Variants in ABCG8 observed in about 807,000 individuals in gnomAD.
ABCG8 encodes ATP binding cassette subfamily G member 8, also known as ATP-binding cassette sub-family G member 8.
ABCG8 carries 81 observed loss-of-function variants against 71.3 expected under a neutral mutation model. That is an observed-to-expected ratio of 1.14 (90% CI 0.95 to 1.37). The LOEUF is 1.37. Ranked by LOEUF, ABCG8 falls within the 40% of genes most tolerant of loss-of-function variation. The pLI is 0.00. For synonymous variants in ABCG8, 451 were observed against 354.7 expected (o/e 1.27, Z -3.05); for missense variants, 1,119 against 866.2 (o/e 1.29, Z -3.66).
intron 3 of ABCG8, 180 bp downstream of exon 3, chr2:43,846,491 G>T: frequency 1.1e-6 from 1 of 879,762 alleles, no homozygotes. Flanking sequence ...TCCTCCATTT[G>T]CTGGCTTGAG....
chr2:43,872,432 A>T, intron 8 of ABCG8, 126 bp downstream of exon 8: 2 of 1,136,424 alleles, frequency 1.8e-6, no homozygotes, highest in Non-Finnish European at 1.3e-6. Flanking sequence ...TGAAAAAAAC[A>T]GCATCCAGCA....
intron 6 of ABCG8, among the ~76,000 whole-genome samples, chr2:43,862,704 TATCTGGATAGAATTCTCACC>T (rs1180886026): frequency 6.6e-6 from 1 of 151,114 alleles, no homozygotes; most frequent in Non-Finnish European, 1.5e-5. Context: ...TCTCACTATC[TATCTGGATAGAATTCTCACC>T]ATCTGGATAG....
intron 3 of ABCG8, among the ~76,000 whole-genome samples, chr2:43,849,515 C>T (rs565416786): frequency 5.5e-4 from 84 of 152,300 alleles, no homozygotes; most frequent in Admixed American, 2.5e-3. Context: ...ATCCCTCCCT[C>T]GACACGTGGG....
rs1339623209 is a variant in ABCG8 at position 43,880,471 on chromosome 2, G to T, written c.*2558G>T. On this transcript the variant is annotated 3_prime_UTR_variant, in exon 13 of 13. Coordinates refer to ENST00000272286, the MANE Select transcript of ABCG8 (RefSeq NM_022437.3). ...TTACAGGTGTGACCCACCGCACCTG[G>T]TGTCACAGGTTCATCTTGTATTTTC... 6.6e-6 allele frequency: 1 copy of T among 152,154 alleles called. No homozygotes were observed. Among genetic ancestry groups the T allele is most frequent in the Non-Finnish European group, 1.5e-5 (1 of 68,024 alleles). 9.4% of individuals were successfully genotyped at this position (152,154 alleles called of 1,614,324 possible).
At chr2:43,865,863 G>A (rs541284243) in intron 6 of ABCG8, among the ~76,000 whole-genome samples, 65 of 152,004 alleles carry the variant, frequency 4.3e-4, no homozygotes, top group Non-Finnish European at 8.2e-4. Flanking sequence ...CTCACTCTCT[G>A]GATAGAATTC....
At chr2:43,874,064 G>T in intron 9 of ABCG8, 78 bp downstream of exon 9, 2 of 1,380,534 alleles carry the variant, frequency 1.4e-6, no homozygotes, top group Non-Finnish European at 1.9e-6. Context: ...CCTGGGGAGC[G>T]GGTTTGATTT....
intron 6 of ABCG8, among the ~76,000 whole-genome samples, chr2:43,859,567 C>G (rs1669231902): frequency 6.6e-6 from 1 of 151,164 alleles, no homozygotes; most frequent in Non-Finnish European, 1.5e-5. Flanking sequence ...AATTCTCACT[C>G]TGTGGATAGA....
intron 3 of ABCG8, among the ~76,000 whole-genome samples, chr2:43,850,349 A>T (rs1281529700): frequency 2.6e-5 from 4 of 152,230 alleles, no homozygotes; most frequent in Non-Finnish European, 4.4e-5. Flanking sequence ...AGGCTCACCG[A>T]AAGTTTTTGG....
chr2:43,874,338 T>C, intron 9 of ABCG8, 69 bp from the exon 10 acceptor site: 1 of 1,255,124 alleles, frequency 8.0e-7, no homozygotes, highest in Non-Finnish European at 1.2e-6. Context: ...ATTAAGAGAG[T>C]CTCCAAAACA....
chr2:43,849,026 A>C (rs1448969402), intron 3 of ABCG8, among the ~76,000 whole-genome samples: 1 of 137,050 alleles, frequency 7.3e-6, no homozygotes, highest in Non-Finnish European at 1.7e-5. Flanking sequence ...CTGTCTAAAA[A>C]AAAAAAAAAA....
chr2:43,881,301 G>T lies in ABCG8; in HGVS notation c.*3388G>T, dbSNP rs562893479. The T allele has an allele frequency of 6.6e-6, 1 of 152,344 alleles. No homozygotes were observed. The highest frequency in any genetic ancestry group is 2.4e-5 in the African/African-American group (1 of 41,572). 9.4% of individuals were successfully genotyped at this position (152,344 alleles called of 1,614,324 possible). A position where few individuals can be genotyped will look rare whatever the true frequency, so the allele number is the denominator to read the frequency against. ...ACAGCGGTGGTTCTCCACCCTGGTT[G>T]CCCATGCTGGAGCTTTAACAAAAGC... On this transcript the variant is annotated 3_prime_UTR_variant, in exon 13 of 13. Transcript: ENST00000272286.
chr2:43,875,112 G>A, intron 10 of ABCG8, 34 bp from the exon 11 acceptor site: 1 of 1,614,046 alleles, frequency 6.2e-7, no homozygotes, highest in Non-Finnish European at 8.5e-7. Context: ...TGAAGGTGCT[G>A]GCTTCATATC....
intron 3 of ABCG8, 99 bp from the exon 4 acceptor site, chr2:43,851,485 G>T (rs1304921273): frequency 3.7e-6 from 5 of 1,354,554 alleles, no homozygotes; most frequent in Non-Finnish European, 4.2e-6. Flanking sequence ...TGCACGGACA[G>T]AGTAGTCCGG....
Position 43,872,146 on chromosome 2 carries a change from G to A in ABCG8, c.1127+8G>A. The A allele has an allele frequency of 6.2e-7, 1 of 1,614,082 alleles. No homozygotes were observed. The highest frequency in any genetic ancestry group is 8.5e-7 in the Non-Finnish European group (1 of 1,180,036). On this transcript the variant is annotated splice_region_variant and intron_variant, in intron 7 of 12. Coordinates refer to ENST00000272286, the MANE Select transcript of ABCG8 (RefSeq NM_022437.3). ...GGACACCTGTGTGGAAAGGTAAGGT[G>A]GCAGGCGACTCTGAGAGGAGAGCTC...
intron 6 of ABCG8, among the ~76,000 whole-genome samples, chr2:43,856,314 G>GTGGATAGAACTCTCACTCCCTGTC (rs1669105329): frequency 1.4e-5 from 2 of 144,710 alleles, no homozygotes; most frequent in Non-Finnish European, 3.1e-5. Flanking sequence ...CACTCTCTTT[G>GTGGATAGAACTCTCACTCCCTGTC]TGGATAGAAC....
intron 6 of ABCG8, among the ~76,000 whole-genome samples, chr2:43,858,267 T>A (rs763399597): frequency 6.6e-6 from 1 of 151,408 alleles, no homozygotes; most frequent in Non-Finnish European, 1.5e-5. Flanking sequence ...ACCATCTGAA[T>A]TGAACTCTCA....
chr2:43,864,184 C>T (rs1669437631), intron 6 of ABCG8, among the ~76,000 whole-genome samples: 1 of 151,252 alleles, frequency 6.6e-6, no homozygotes, highest in South Asian at 2.1e-4. Context: ...ATAGAACTCT[C>T]ACTCTCTCTA....
rs1218900825 is a variant in ABCG8, at chr2:43,852,809, A to C, written c.905A>C (p.Gln302Pro). Residue 302 changes from glutamine (Q) to proline (P), a missense_variant, in exon 6 of 13, where the codon CAG becomes CCG. By Grantham distance (76) the Gln-to-Pro change is moderately conservative. Coordinates refer to ENST00000272286, the MANE Select transcript of ABCG8 (RefSeq NM_022437.3). ...IYLGAAQHMV[Q>P]YFTAIGYPCP... ...TTAGGGGCGGCCCAGCACATGGTCC[A>C]GTATTTCACAGCCATCGGCTACCCC... 1.9e-6 allele frequency: 3 copies of C among 1,614,042 alleles called. No homozygotes were observed. In the African/African-American group the frequency reaches 4.0e-5, roughly 22 times the overall value.
At chr2:43,871,285 T>C (rs1669760264) in intron 6 of ABCG8, among the ~76,000 whole-genome samples, 1 of 150,574 alleles carries the variant, frequency 6.6e-6, no homozygotes, top group Non-Finnish European at 1.5e-5. Flanking sequence ...GAACTCTCAC[T>C]ATCTGGATAG....
Sources: allele counts gnomAD v4.1 joint callset (sites outside exome capture counted in the v4.1 genomes callset), GRCh38; gene constraint gnomAD v4.1.1; transcripts MANE v1.5; gene names NCBI Gene and HGNC (gene_info 2026-07-23, HGNC 2026-07-21).